The following RFX3 variants were observed in gnomAD, a reference collection of about 807,000 sequenced individuals.
RFX3 encodes the protein regulatory factor X3.
RFX3 carries 14 observed loss-of-function variants against 98.6 expected under a neutral mutation model. The ratio of observed to expected loss-of-function variants is 0.14; its 90% CI spans 0.09 to 0.22. The LOEUF is 0.22. RFX3 is among the 10% of genes least tolerant of loss of function. The pLI is 1.00. For synonymous variants in RFX3, 383 were observed against 328.4 expected (o/e 1.17, Z -1.80); for missense variants, 639 against 926.9 (o/e 0.69, Z 4.03).
At chr9:3,493,278 T>C (rs570612220) in intron 1 of RFX3, among the ~76,000 whole-genome samples, 6 of 152,306 alleles carry the variant, frequency 3.9e-5, no homozygotes, top group South Asian at 2.1e-4. Context: ...TTTCAGATGA[T>C]TGAGAGAGGT....
chr9:3,246,984 T>A (rs1586725101), intron 15 of RFX3: 1 of 800,684 alleles, frequency 1.2e-6, no homozygotes, highest in East Asian at 1.3e-4. Context: ...AGTATTTTAA[T>A]GTATTTTTAT....
Position 3,224,896 on chromosome 9 carries a change from A to T in RFX3, c.*146T>A. ...AAAAAAGATCTGGCAAAATACATACACCCATTCCATTTCACAACTCCAAAA... is the reference window on the plus strand; with the variant it reads ...AAAAAAGATCTGGCAAAATACATACTCCCATTCCATTTCACAACTCCAAAA... On this transcript the variant is annotated 3_prime_UTR_variant, in exon 17 of 17. Coordinates refer to ENST00000617270, the MANE Select transcript of RFX3 (RefSeq NM_001282116.2). 1 of 743,648 alleles carries T rather than the reference A, an allele frequency of 1.3e-6. No individual in the cohort carries two copies. The highest frequency in any genetic ancestry group is 2.2e-6 in the Non-Finnish European group (1 of 448,610). 46.1% of individuals were successfully genotyped at this position (743,648 alleles called of 1,614,324 possible). A position where few individuals can be genotyped will look rare whatever the true frequency, so the allele number is the denominator to read the frequency against.
chr9:3,356,307 T>G (rs1221475163), intron 2 of RFX3, among the ~76,000 whole-genome samples: 1 of 151,516 alleles, frequency 6.6e-6, no homozygotes, highest in African/African-American at 2.4e-5. Flanking sequence ...AGACACAAAT[T>G]ACAAATTGCA....
At position 3,525,857 on chromosome 9, in the gene RFX3, G is replaced by T. The variant is rs968910236; in HGVS notation, c.-119C>A. ...GGAGAGGAGTAGTTGTTGTTGATGGGTAACAGTCGCCAGGACTACGGTGAC... is the reference window on the plus strand; with the variant it reads ...GGAGAGGAGTAGTTGTTGTTGATGGTTAACAGTCGCCAGGACTACGGTGAC... On this transcript the variant is annotated 5_prime_UTR_variant, in exon 1 of 17. Coordinates refer to ENST00000617270, the MANE Select transcript of RFX3 (RefSeq NM_001282116.2). The T allele has an allele frequency of 5.3e-5, 52 of 985,486 alleles. No individual in the cohort carries two copies. The highest frequency in any genetic ancestry group is 1.8e-4 in the Admixed American group (3 of 16,272). The allele number at this position is 985,486 out of a possible 1,614,324, so 61.0% of individuals were successfully genotyped here. A position where few individuals can be genotyped will look rare whatever the true frequency, so the allele number is the denominator to read the frequency against.
chr9:3,466,886 T>C (rs1848269528), intron 1 of RFX3, among the ~76,000 whole-genome samples: 1 of 151,460 alleles, frequency 6.6e-6, no homozygotes, highest in African/African-American at 2.4e-5. Context: ...CAAATACTTA[T>C]CATTTTCTGT....
chr9:3,513,904 C>T (rs1437846729), intron 1 of RFX3, among the ~76,000 whole-genome samples: 2 of 152,186 alleles, frequency 1.3e-5, no homozygotes, highest in East Asian at 3.8e-4. Flanking sequence ...TACAGCTCTA[C>T]TCATTCAATA....
At position 3,219,682 on chromosome 9, in the gene RFX3, G is replaced by T. The variant is rs1817245045; in HGVS notation, c.*5360C>A. 5 of 152,128 alleles carry T rather than the reference G, an allele frequency of 3.3e-5. No individual in the cohort carries two copies. In the South Asian group the frequency reaches 1.0e-3, roughly 31 times the overall value. 9.4% of individuals were successfully genotyped at this position (152,128 alleles called of 1,614,324 possible). A position where few individuals can be genotyped will look rare whatever the true frequency, so the allele number is the denominator to read the frequency against. On this transcript the variant is annotated 3_prime_UTR_variant, in exon 17 of 17. Transcript: ENST00000617270. ...AAAATCACTAGCAGCAATGATCAAG[G>T]CATGCAAACTGAGAAGCATTTACAG...
intron 7 of RFX3, among the ~76,000 whole-genome samples, chr9:3,278,464 A>G (rs1206107039): frequency 6.6e-5 from 10 of 151,796 alleles, no homozygotes; most frequent in Non-Finnish European, 2.9e-5. Flanking sequence ...ATTTCTAATT[A>G]TATTTACAAA....
At chr9:3,333,437 T>TTTG (rs143368165) in intron 3 of RFX3, among the ~76,000 whole-genome samples, 32 of 99,082 alleles carry the variant, frequency 3.2e-4, no homozygotes, top group Non-Finnish European at 4.0e-4. Context: ...TAGAAAATGT[T>TTTG]TTTTTTTTTT....
At chr9:3,522,733 T>A (rs2051957586) in intron 1 of RFX3, among the ~76,000 whole-genome samples, 1 of 152,170 alleles carries the variant, frequency 6.6e-6, no homozygotes. Flanking sequence ...CAATATCAAC[T>A]TTCTCAAGAA....
chr9:3,445,518 C>G (rs1845970990), intron 1 of RFX3, among the ~76,000 whole-genome samples: 1 of 152,138 alleles, frequency 6.6e-6, no homozygotes, highest in Admixed American at 6.5e-5. Flanking sequence ...ATAATCCAAT[C>G]TTACAAAATC....
intron 4 of RFX3, among the ~76,000 whole-genome samples, chr9:3,309,379 T>C (rs1318199228): frequency 6.6e-6 from 1 of 152,034 alleles, no homozygotes; most frequent in Non-Finnish European, 1.5e-5. Flanking sequence ...GACAGTGCAA[T>C]AAATCCGTGG....
intron 1 of RFX3, among the ~76,000 whole-genome samples, chr9:3,468,246 C>T (rs558835397): frequency 1.3e-5 from 2 of 152,230 alleles, no homozygotes; most frequent in Non-Finnish European, 2.9e-5. Context: ...ACAATTTGAT[C>T]TAAAATTTGT....
intron 1 of RFX3, among the ~76,000 whole-genome samples, chr9:3,485,495 C>T (rs1850183495): frequency 6.6e-6 from 1 of 152,158 alleles, no homozygotes; most frequent in Admixed American, 6.5e-5. Context: ...TACGCTAGAC[C>T]ACTTTGCCAA....
At chr9:3,272,067 G>A (rs766055523) in intron 9 of RFX3, among the ~76,000 whole-genome samples, 3 of 151,644 alleles carry the variant, frequency 2.0e-5, no homozygotes, top group South Asian at 2.1e-4. Context: ...ACCACTTTCC[G>A]TTAACTGTCA....
intron 4 of RFX3, among the ~76,000 whole-genome samples, chr9:3,319,082 C>T (rs1377401925): frequency 1.3e-5 from 2 of 152,236 alleles, no homozygotes; most frequent in Non-Finnish European, 2.9e-5. Flanking sequence ...CTCCATCTTA[C>T]ATTTTCAAAT....
intron 2 of RFX3, among the ~76,000 whole-genome samples, chr9:3,361,310 G>T (rs1328798728): frequency 1.3e-5 from 2 of 152,072 alleles, no homozygotes; most frequent in Admixed American, 1.3e-4. Context: ...AACTCAGTCG[G>T]TATTTCTGGC....
intron 1 of RFX3, among the ~76,000 whole-genome samples, chr9:3,429,053 C>A (rs1274062512): frequency 2.1e-5 from 3 of 144,900 alleles, no homozygotes; most frequent in Admixed American, 1.4e-4. Context: ...GACGGAGTCT[C>A]GCTGTGTCTC....
At chr9:3,413,193 A>G (rs1193969634) in intron 1 of RFX3, among the ~76,000 whole-genome samples, 2 of 151,998 alleles carry the variant, frequency 1.3e-5, no homozygotes, top group East Asian at 3.9e-4. Flanking sequence ...CAAATTTCCC[A>G]AATAGAAACA....
Sources: gnomAD v4.1 joint callset for allele counts (sites outside exome capture counted in the v4.1 genomes callset) on GRCh38, gnomAD v4.1.1 for gene constraint, MANE v1.5 for transcripts, NCBI Gene and HGNC (gene_info 2026-07-23, HGNC 2026-07-21) for gene names.